The following MARCHF1 variants were observed in gnomAD, a reference collection of about 807,000 sequenced individuals.
The protein encoded by MARCHF1 is E3 ubiquitin-protein ligase MARCHF1.
In MARCHF1, 40 loss-of-function variants were observed where a neutral mutation model predicts 54.2. That is an observed-to-expected ratio of 0.74 (90% CI 0.57 to 0.96). The LOEUF (loss-of-function observed/expected upper bound fraction) is 0.96, where lower values mean the gene tolerates loss of function less well. Ranked by LOEUF, MARCHF1 falls within the 40% of genes least tolerant of loss-of-function variation. The pLI, the probability that MARCHF1 is intolerant of heterozygous loss-of-function variation, is 0.00. For synonymous variants in MARCHF1, 236 were observed against 236.3 expected (o/e 1.00, Z 0.01); for missense variants, 586 against 656.5 (o/e 0.89, Z 1.17).
intron 1 of MARCHF1, among the ~76,000 whole-genome samples, chr4:164,161,443 T>C (rs1297322551): frequency 2.6e-5 from 4 of 152,122 alleles, no homozygotes; most frequent in Admixed American, 6.6e-5. Context: ...GTATTTTTAA[T>C]AGCAATGTGA....
rs559075062 is a variant in MARCHF1, at chr4:164,343,106, A to G, written c.-323+40764T>C. Reference sequence around the variant, plus strand: ...TAATAATAATGTATTTTTTACTTGCAATTTGCTAAGAGAGTAGCTCTTATG... The same window carrying G: ...TAATAATAATGTATTTTTTACTTGCGATTTGCTAAGAGAGTAGCTCTTATG... On this transcript the variant is annotated intron_variant, in intron 1 of 9. Coordinates refer to ENST00000514618, the MANE Select transcript of MARCHF1 (RefSeq NM_001394959.1). Among the ~76,000 whole-genome samples, 8 of 152,250 alleles carry G rather than the reference A, an allele frequency of 5.3e-5. No individual in the cohort carries two copies. The East Asian group carries it at 1.4e-3, about 26-fold the overall frequency.
chr4:164,000,934 TTTAG>T, intron 2 of MARCHF1, among the ~76,000 whole-genome samples: 1 of 151,780 alleles, frequency 6.6e-6, no homozygotes, highest in Non-Finnish European at 1.5e-5. Flanking sequence ...ATCGGTTATG[TTTAG>T]TTAGTCATTA....
At chr4:164,204,483 T>C (rs1282547032) in intron 1 of MARCHF1, among the ~76,000 whole-genome samples, 1 of 152,204 alleles carries the variant, frequency 6.6e-6, no homozygotes, top group Admixed American at 6.5e-5. Context: ...CTTTTTACAT[T>C]GTGTGAGTCA....
intron 1 of MARCHF1, among the ~76,000 whole-genome samples, chr4:164,255,656 T>G (rs1733259117): frequency 6.6e-6 from 1 of 152,030 alleles, no homozygotes; most frequent in African/African-American, 2.4e-5. Context: ...GTTGTTGAAT[T>G]TTTAAAATAA....
At chr4:164,083,275 A>G (rs1487909280) in intron 2 of MARCHF1, among the ~76,000 whole-genome samples, 2 of 149,678 alleles carry the variant, frequency 1.3e-5, no homozygotes, top group Non-Finnish European at 3.0e-5. Flanking sequence ...ACAACATTTA[A>G]AAGTTACTGA....
chr4:164,344,074 C>T (rs938282444), intron 1 of MARCHF1, among the ~76,000 whole-genome samples: 3 of 152,112 alleles, frequency 2.0e-5, no homozygotes, highest in Non-Finnish European at 4.4e-5. Context: ...GTCCTTTGCA[C>T]AGCATGGATG....
intron 1 of MARCHF1, among the ~76,000 whole-genome samples, chr4:164,274,551 A>G (rs1733822613): frequency 6.8e-6 from 1 of 146,760 alleles, no homozygotes; most frequent in Non-Finnish European, 1.5e-5. Flanking sequence ...CAGTGTTCAT[A>G]TTTGTCAGTG....
intron 4 of MARCHF1, among the ~76,000 whole-genome samples, chr4:163,735,171 C>A (rs1047765990): frequency 4.6e-5 from 7 of 152,134 alleles, no homozygotes; most frequent in African/African-American, 1.2e-4. Context: ...GCTTCCCTGG[C>A]CACACTGTTG....
In MARCHF1 at chr4:164,258,401, A is replaced by G. The variant is rs865963561; in HGVS notation, c.-323+125469T>C. On this transcript the variant is annotated intron_variant, in intron 1 of 9. Transcript: ENST00000514618. The stretch of plus-strand genomic sequence containing the variant: ...TCCCAGAACTTAAAGTATAATAATA[A>G]TAATAATAATAATAATAAAGGACAA... 2.7e-5 allele frequency among the ~76,000 whole-genome samples: 4 copies of G among 150,668 alleles called. No homozygotes were observed. In the South Asian group the frequency reaches 8.4e-4, roughly 32 times the overall value.
intron 1 of MARCHF1, among the ~76,000 whole-genome samples, chr4:164,321,892 T>G (rs1043243681): frequency 2.0e-5 from 3 of 152,110 alleles, no homozygotes; most frequent in African/African-American, 7.2e-5. Flanking sequence ...CTACTGTGGA[T>G]TCTATGTGCC....
Position 163,700,819 on chromosome 4 carries a change from A to T in MARCHF1, c.156T>A (p.Ile52=). ...PGRSASRSSN[I]SKASSPTTGT... ...AAATGAGTACTTCACCTACTTTTGA[A>T]ATGTTACTTGATCGACTTGCAGATC... is the stretch of plus-strand genomic sequence containing the variant. The change falls in exon 5 of 10, where the codon ATT becomes ATA. Residue 52 remains isoleucine, a synonymous_variant. Coordinates refer to ENST00000514618, the MANE Select transcript of MARCHF1 (RefSeq NM_001394959.1). The T allele has an allele frequency of 6.5e-7, 1 of 1,536,176 alleles. No homozygotes were observed.
In MARCHF1 at chr4:164,183,221, C is replaced by T. The variant is rs543741848; in HGVS notation, c.-322-71559G>A. On this transcript the variant is annotated intron_variant, in intron 1 of 9. Transcript: ENST00000514618. The stretch of plus-strand genomic sequence containing the variant: ...CACCTCAAATCTCTATTCCCATCTA[C>T]CCAATCTAATTCAATTCACTCTACA... Among the ~76,000 whole-genome samples the T allele has an allele frequency of 5.3e-5, 8 of 152,228 alleles. No homozygotes were observed. The East Asian group carries it at 1.4e-3, about 26-fold the overall frequency.
At chr4:163,897,655 G>A (rs1004195453) in intron 3 of MARCHF1, among the ~76,000 whole-genome samples, 3 of 152,100 alleles carry the variant, frequency 2.0e-5, no homozygotes, top group Admixed American at 2.0e-4. Flanking sequence ...GCTGGGAAAA[G>A]TGGCTAACCA....
chr4:164,106,772 T>G (rs3115367), intron 2 of MARCHF1, among the ~76,000 whole-genome samples: 2 of 47,994 alleles, frequency 4.2e-5, no homozygotes, highest in African/African-American at 1.4e-4. Flanking sequence ...ATAATAAAAA[T>G]AAAAAATAAA....
At chr4:164,228,136 T>C (rs1431630835) in intron 1 of MARCHF1, among the ~76,000 whole-genome samples, 1 of 152,186 alleles carries the variant, frequency 6.6e-6, no homozygotes, top group East Asian at 1.9e-4. Context: ...CTGACGATGT[T>C]GGTGGCAACA....
At chr4:163,676,600 T>C (rs1200200415) in intron 5 of MARCHF1, among the ~76,000 whole-genome samples, 2 of 150,856 alleles carry the variant, frequency 1.3e-5, no homozygotes, top group Non-Finnish European at 3.0e-5. Context: ...AATAACTAAT[T>C]AAAAAATTGG....
At chr4:163,624,288 C>A (rs1285634311) in intron 5 of MARCHF1, among the ~76,000 whole-genome samples, 13 of 152,048 alleles carry the variant, frequency 8.5e-5, no homozygotes, top group Admixed American at 8.5e-4. Context: ...CCCAGGCAAT[C>A]CTCAACCAAG....
intron 2 of MARCHF1, among the ~76,000 whole-genome samples, chr4:164,073,200 G>T (rs1183648117): frequency 2.0e-5 from 3 of 152,174 alleles, no homozygotes; most frequent in Admixed American, 2.0e-4. Flanking sequence ...GGAAGTGTGT[G>T]TTCATTGTGG....
At chr4:163,765,781 T>C (rs968586832) in intron 4 of MARCHF1, among the ~76,000 whole-genome samples, 8 of 150,638 alleles carry the variant, frequency 5.3e-5, no homozygotes, top group South Asian at 4.1e-4. Flanking sequence ...ATTTATGGAA[T>C]ATTTCCTAGC....
Sources: gnomAD v4.1 joint callset for allele counts (sites outside exome capture counted in the v4.1 genomes callset) on GRCh38, gnomAD v4.1.1 for gene constraint, MANE v1.5 for transcripts, NCBI Gene and HGNC (gene_info 2026-07-23, HGNC 2026-07-21) for gene names.